Variants in B3GALNT1 observed in about 807,000 individuals in gnomAD.
B3GALNT1 encodes the protein UDP-GalNAc:beta-1,3-N-acetylgalactosaminyltransferase 1.
Under a neutral mutation model 27.3 loss-of-function variants are expected in B3GALNT1, and 17 were observed. The ratio of observed to expected loss-of-function variants is 0.62; its 90% confidence interval spans 0.43 to 0.94. The LOEUF (loss-of-function observed/expected upper bound fraction) is 0.94. Ranked by LOEUF, B3GALNT1 falls within the 40% of genes least tolerant of loss-of-function variation. The pLI is 0.00. For synonymous variants in B3GALNT1, 141 were observed against 144.0 expected, an observed-to-expected ratio of 0.98 and a Z score of 0.15; for missense variants, 347 against 390.0, an observed-to-expected ratio of 0.89 and a Z score of 0.93.
intron 4 of B3GALNT1, among the ~76,000 whole-genome samples, chr3:161,094,265 T>A (rs1200078842): frequency 5.9e-5 from 9 of 152,196 alleles, no homozygotes; most frequent in African/African-American, 2.2e-4. Context: ...TATGGCAGCA[T>A]CACAGCCTTA....
rs1390498440 is a variant in B3GALNT1, at chr3:161,085,646, A to C, written c.*113T>G. On this transcript the variant is annotated 3_prime_UTR_variant, in exon 5 of 5. Transcript: ENST00000320474. The stretch of plus-strand genomic sequence containing the variant: ...CCAGTCTGGGTTTTTCATGAGTTTC[A>C]GTTCAGTGTAAGCCAGCACACTGAC... 1 of 1,171,838 alleles carries C rather than the reference A, an allele frequency of 8.5e-7. No homozygotes were observed. Among genetic ancestry groups the C allele is most frequent in the Non-Finnish European group, 1.3e-6 (1 of 789,584 alleles). The allele number at this position is 1,171,838 out of a possible 1,614,324, so 72.6% of individuals were successfully genotyped here.
rs759499184 is a variant in B3GALNT1, at chr3:161,086,012, T to A, written c.743A>T (p.Asp248Val). The change falls in exon 5 of 5, where the codon GAT (aspartate) becomes GTT (valine). Residue 248 changes from aspartate (D) to valine (V), a missense_variant. By Grantham distance (152) the Asp-to-Val change is radical. Transcript: ENST00000320474. ...CSGLGYIMSR[D>V]LVPRIYEMMG... Reference sequence around the variant, plus strand: ...CATTTCATAGATCCTTGGCACCAAATCTCTGGACATTATATAACCCAACCC... The same window carrying A: ...CATTTCATAGATCCTTGGCACCAAAACTCTGGACATTATATAACCCAACCC... 6.3e-7 allele frequency: 1 copy of A among 1,586,224 alleles called. No individual in the cohort carries two copies. The highest frequency in any genetic ancestry group is 8.6e-7 in the Non-Finnish European group (1 of 1,168,140).
At chr3:161,090,700 T>TA (rs879563624) in intron 4 of B3GALNT1, among the ~76,000 whole-genome samples, 117 of 144,154 alleles carry the variant, frequency 8.1e-4, no homozygotes, top group South Asian at 3.3e-3. Flanking sequence ...ATCTCTACTT[T>TA]AAAAAAAAAA....
At chr3:161,091,151 C>T (rs377405353) in intron 4 of B3GALNT1, among the ~76,000 whole-genome samples, 34 of 152,158 alleles carry the variant, frequency 2.2e-4, no homozygotes, top group East Asian at 1.4e-3. Context: ...AGCCTGTGGT[C>T]CCAGCTACCC....
chr3:161,098,363 C>T (rs921915309), intron 4 of B3GALNT1, among the ~76,000 whole-genome samples: 1 of 152,152 alleles, frequency 6.6e-6, no homozygotes, highest in Non-Finnish European at 1.5e-5. Flanking sequence ...TATCTTCATA[C>T]TTTCACAGTG....
intron 4 of B3GALNT1, 62 bp downstream of exon 4, chr3:161,101,077 A>G: frequency 8.1e-7 from 1 of 1,227,142 alleles, no homozygotes; most frequent in Non-Finnish European, 1.1e-6. Context: ...CCTCACATCT[A>G]ATCTCACAGC....
At position 161,086,050 on chromosome 3, in the gene B3GALNT1, A is replaced by G; in HGVS notation, c.705T>C (p.Pro235=). The change falls in exon 5 of 5, where the codon CCT becomes CCC. Residue 235 remains proline (P), a synonymous_variant. Coordinates refer to ENST00000320474, the MANE Select transcript of B3GALNT1 (RefSeq NM_003781.4). ...SYQEYPFKVF[P]PYCSGLGYIM... ...TATAACCCAACCCACTGCAGTATGG[A>G]GGGAACACCTTGAAAGGATACTCCT... 1 of 1,592,444 alleles carries G rather than the reference A, an allele frequency of 6.3e-7. No homozygotes were observed. The highest frequency in any genetic ancestry group is 1.2e-5 in the South Asian group (1 of 86,476).
chr3:161,094,495 A>G (rs770762872), intron 4 of B3GALNT1, among the ~76,000 whole-genome samples: 3 of 152,206 alleles, frequency 2.0e-5, no homozygotes, highest in Non-Finnish European at 4.4e-5. Flanking sequence ...CAATTATTTA[A>G]GCCAAAATAA....
intron 3 of B3GALNT1, among the ~76,000 whole-genome samples, chr3:161,102,212 A>G (rs1355606356): frequency 7.2e-6 from 1 of 138,314 alleles, no homozygotes; most frequent in Non-Finnish European, 1.6e-5. Flanking sequence ...GTTCCAGATA[A>G]CAGACACAGA....
chr3:161,085,488 A>G lies in B3GALNT1; in HGVS notation c.*271T>C. On this transcript the variant is annotated 3_prime_UTR_variant, in exon 5 of 5. Transcript: ENST00000320474. ...ACCCTTTTAAGAAATTCTAGTCTACAGAATGACATGTCCAAATTGTTTGGT... is the reference window on the plus strand; with the variant it reads ...ACCCTTTTAAGAAATTCTAGTCTACGGAATGACATGTCCAAATTGTTTGGT... 3 of 455,580 alleles carry G rather than the reference A, an allele frequency of 6.6e-6. No individual in the cohort carries two copies. Among genetic ancestry groups the G allele is most frequent in the Non-Finnish European group, 1.2e-5 (3 of 252,992 alleles). The allele number at this position is 455,580 out of a possible 1,614,324, so 28.2% of individuals were successfully genotyped here. A position where few individuals can be genotyped will look rare whatever the true frequency, so the allele number is the denominator to read the frequency against.
At chr3:161,098,625 T>G (rs1729536199) in intron 4 of B3GALNT1, among the ~76,000 whole-genome samples, 2 of 152,184 alleles carry the variant, frequency 1.3e-5, no homozygotes, top group African/African-American at 4.8e-5. Context: ...AACCAGGAAC[T>G]TTAAAGAAAG....
intron 4 of B3GALNT1, among the ~76,000 whole-genome samples, chr3:161,090,242 A>T (rs1724327238): frequency 6.6e-6 from 1 of 152,208 alleles, no homozygotes; most frequent in Non-Finnish European, 1.5e-5. Context: ...CAAAATATAT[A>T]AAGCAAAACC....
intron 3 of B3GALNT1, among the ~76,000 whole-genome samples, chr3:161,102,891 CAAG>C (rs1168719447): frequency 1.3e-5 from 2 of 152,120 alleles, no homozygotes; most frequent in Middle Eastern, 3.4e-3. Context: ...AGGCTGGGCA[CAAG>C]AAGAAGAGAC....
At chr3:161,088,313 A>G (rs1397367075) in intron 4 of B3GALNT1, among the ~76,000 whole-genome samples, 1 of 152,214 alleles carries the variant, frequency 6.6e-6, no homozygotes, top group Non-Finnish European at 1.5e-5. Flanking sequence ...ATGTTTTAGC[A>G]AACTCTCTCC....
chr3:161,094,091 T>C (rs1456959727), intron 4 of B3GALNT1, among the ~76,000 whole-genome samples: 4 of 152,184 alleles, frequency 2.6e-5, no homozygotes, highest in Admixed American at 6.5e-5. Context: ...GTGTTGTAAG[T>C]GGTAGAGACA....
At chr3:161,101,466 G>A (rs987324340) in intron 3 of B3GALNT1, among the ~76,000 whole-genome samples, 1 of 152,154 alleles carries the variant, frequency 6.6e-6, no homozygotes, top group Non-Finnish European at 1.5e-5. Flanking sequence ...TCATCTGAGG[G>A]TATTTCATTC....
rs1023620311 is a variant in B3GALNT1, at chr3:161,085,987, C to G, written c.768G>C (p.Met256Ile). Residue 256 changes from methionine (M) to isoleucine (I), a missense_variant, in exon 5 of 5, where the codon ATG (methionine) becomes ATC (isoleucine). Transcript: ENST00000320474. ...ACTTGATGGGTTTTACGTGACCCAT[C>G]ATTTCATAGATCCTTGGCACCAAAT... Reference protein sequence around the residue: ...SRDLVPRIYEMMGHVKPIKFE... With the variant: ...SRDLVPRIYEIMGHVKPIKFE... 1.9e-6 allele frequency: 3 copies of G among 1,587,904 alleles called. No homozygotes were observed. Among genetic ancestry groups the G allele is most frequent in the East Asian group, 2.2e-5 (1 of 44,696 alleles).
At chr3:161,090,854 T>G (rs1724703722) in intron 4 of B3GALNT1, among the ~76,000 whole-genome samples, 1 of 152,238 alleles carries the variant, frequency 6.6e-6, no homozygotes, top group East Asian at 1.9e-4. Flanking sequence ...ACTTGAAAAT[T>G]ACTGGGATGA....
chr3:161,103,094 C>T (rs576209738), intron 3 of B3GALNT1: 3 of 152,274 alleles, frequency 2.0e-5, no homozygotes, highest in South Asian at 2.1e-4. Context: ...TTATTAGAGC[C>T]GGGTGAGGTG....
Sources: gnomAD v4.1 joint callset for allele counts (sites outside exome capture counted in the v4.1 genomes callset) on GRCh38, gnomAD v4.1.1 for gene constraint, MANE v1.5 for transcripts, NCBI Gene and HGNC (gene_info 2026-07-23, HGNC 2026-07-21) for gene names.